HDAC9: variants seen among roughly 807,000 people sequenced by gnomAD.
HDAC9 encodes the protein MEF-2 interacting transcription repressor (MITR) protein.
A neutral mutation model predicts 139.4 loss-of-function variants in HDAC9; 41 were observed. That is an observed-to-expected ratio of 0.29 (90% CI 0.23 to 0.38). The LOEUF (loss-of-function observed/expected upper bound fraction) is 0.38, where lower values mean the gene tolerates loss of function less well. Ranked by LOEUF, HDAC9 falls within the 10% of genes least tolerant of loss-of-function variation. HDAC9 has a pLI of 1.00. For missense variants in HDAC9, 1,147 were observed against 1,297.0 expected (o/e 0.88, Z 1.78); for synonymous variants, 517 against 476.2 (o/e 1.09, Z -1.12).
At chr7:18,587,340 A>C (rs1004994160) in intron 3 of HDAC9, among the ~76,000 whole-genome samples, 2 of 152,190 alleles carry the variant, frequency 1.3e-5, no homozygotes, top group Admixed American at 6.5e-5. Flanking sequence ...TAAAAGGAAA[A>C]TTTAGCTTTT....
At chr7:18,691,552 G>A (rs1164622612) in intron 12 of HDAC9, among the ~76,000 whole-genome samples, 1 of 151,926 alleles carries the variant, frequency 6.6e-6, no homozygotes, top group Non-Finnish European at 1.5e-5. Flanking sequence ...TTGGCTTGTA[G>A]GTAAAGGGGA....
chr7:18,786,450 G>T (rs1365896345), intron 16 of HDAC9, among the ~76,000 whole-genome samples: 1 of 96,274 alleles, frequency 1.0e-5, no homozygotes, highest in African/African-American at 3.8e-5. Flanking sequence ...TTTTCCCATC[G>T]CCCTTTCCTT....
At chr7:18,482,453 A>T (rs1236720493) in intron 1 of HDAC9, among the ~76,000 whole-genome samples, 2 of 140,526 alleles carry the variant, frequency 1.4e-5, no homozygotes, top group Non-Finnish European at 3.1e-5. Context: ...GATTTTTTTT[A>T]AAAACTATTT....
chr7:18,097,263 A>G (rs1052433274), intron 1 of HDAC9, among the ~76,000 whole-genome samples: 1 of 152,112 alleles, frequency 6.6e-6, no homozygotes, highest in Non-Finnish European at 1.5e-5. Flanking sequence ...ATTTTGTTGT[A>G]TTGGATGGAT....
chr7:18,751,208 C>T (rs767411234), intron 14 of HDAC9, among the ~76,000 whole-genome samples: 7 of 152,034 alleles, frequency 4.6e-5, no homozygotes, highest in African/African-American at 1.7e-4. Context: ...CACTAACCGA[C>T]GTAATATCAA....
chr7:18,839,676 C>G (rs1251911390), intron 21 of HDAC9, among the ~76,000 whole-genome samples: 1 of 152,074 alleles, frequency 6.6e-6, no homozygotes, highest in African/African-American at 2.4e-5. Context: ...ACAAAGAACT[C>G]TGAACATCTA....
chr7:18,296,060 G>T (rs587325), intron 1 of HDAC9, among the ~76,000 whole-genome samples: 1 of 152,042 alleles, frequency 6.6e-6, no homozygotes, highest in African/African-American at 2.4e-5. Context: ...GTAGGTTTGT[G>T]TAGTAAGTGA....
chr7:18,419,942 A>C, intron 1 of HDAC9, among the ~76,000 whole-genome samples: 1 of 152,188 alleles, frequency 6.6e-6, no homozygotes, highest in African/African-American at 2.4e-5. Flanking sequence ...ATGGTAGCCC[A>C]TGAATCTCGG....
intron 1 of HDAC9, among the ~76,000 whole-genome samples, chr7:18,140,284 G>A (rs1785802666): frequency 6.6e-6 from 1 of 152,084 alleles, no homozygotes; most frequent in Admixed American, 6.5e-5. Context: ...ACAGGGATAT[G>A]GCCTCCATCC....
rs541667850 is a variant in HDAC9 at position 18,906,755 on chromosome 7, A to G, written c.2804-29054A>G. The stretch of plus-strand genomic sequence containing the variant: ...CTGAGCAGTCTTGTTTAAAATGCAG[A>G]TTCCTTGTCTTAACAGCTAGAGATT... On this transcript the variant is annotated intron_variant, in intron 22 of 25. Coordinates refer to ENST00000686413, the MANE Select transcript of HDAC9 (RefSeq NM_178425.4). 5.9e-5 allele frequency among the ~76,000 whole-genome samples: 9 copies of G among 152,324 alleles called. No individual in the cohort carries two copies. In the South Asian group the frequency reaches 1.5e-3, roughly 25 times the overall value.
At position 18,768,008 on chromosome 7, in the gene HDAC9, G is replaced by T. The variant is rs116774167; in HGVS notation, c.2214+853G>T. Among the ~76,000 whole-genome samples the T allele has an allele frequency of 8.9e-3, 1,350 of 152,266 alleles. 16 individuals carry two copies. Among genetic ancestry groups the T allele is most frequent in the African/African-American group, 0.03 (1,243 of 41,568 alleles). ...TGCAAAGAAATCTTGAATATTTTTA[G>T]TTTATTCTATCATTTTGATGATGCC... On this transcript the variant is annotated intron_variant, in intron 16 of 25. Coordinates refer to ENST00000686413, the MANE Select transcript of HDAC9 (RefSeq NM_178425.4).
At chr7:18,428,732 C>A (rs1366490014) in intron 1 of HDAC9, among the ~76,000 whole-genome samples, 1 of 152,146 alleles carries the variant, frequency 6.6e-6, no homozygotes, top group Non-Finnish European at 1.5e-5. Flanking sequence ...TGCTCAGAAC[C>A]CTCCAGTAGC....
intron 1 of HDAC9, among the ~76,000 whole-genome samples, chr7:18,352,832 T>G (rs1018330409): frequency 6.6e-6 from 1 of 152,150 alleles, no homozygotes; most frequent in Non-Finnish European, 1.5e-5. Context: ...GATCCTTGTT[T>G]TTGTCTCTGT....
intron 6 of HDAC9, among the ~76,000 whole-genome samples, chr7:18,628,965 G>A (rs1781502120): frequency 6.6e-6 from 1 of 152,044 alleles, no homozygotes. Context: ...TGGTTATTAA[G>A]TTTCACCCTT....
intron 1 of HDAC9, among the ~76,000 whole-genome samples, chr7:18,134,468 T>C (rs1785251073): frequency 6.6e-6 from 1 of 152,132 alleles, no homozygotes; most frequent in Non-Finnish European, 1.5e-5. Flanking sequence ...ATTCATGGAT[T>C]GAATATACAT....
chr7:18,566,827 G>A (rs1822518056), intron 2 of HDAC9, among the ~76,000 whole-genome samples: 1 of 152,276 alleles, frequency 6.6e-6, no homozygotes, highest in Middle Eastern at 3.4e-3. Flanking sequence ...GATGACAAAG[G>A]TTTGTTACCA....
chr7:18,306,528 GA>G (rs1201966377), intron 1 of HDAC9, among the ~76,000 whole-genome samples: 1 of 152,134 alleles, frequency 6.6e-6, no homozygotes, highest in Non-Finnish European at 1.5e-5. Context: ...GTTTAATTAA[GA>G]CTGAGTAATA....
intron 2 of HDAC9, among the ~76,000 whole-genome samples, chr7:18,541,875 CA>C (rs1467801123): frequency 2.0e-5 from 3 of 151,790 alleles, no homozygotes; most frequent in Non-Finnish European, 4.4e-5. Flanking sequence ...TTATTTATAC[CA>C]AATCTTTCTC....
At position 18,282,301 on chromosome 7, in the gene HDAC9, G is replaced by A. The variant is rs147738592; in HGVS notation, c.25+119952G>A. Among the ~76,000 whole-genome samples, 446 of 152,138 alleles carry A rather than the reference G, an allele frequency of 2.9e-3. 5 individuals are homozygous for A. The highest frequency in any genetic ancestry group is 9.9e-3 in the African/African-American group (411 of 41,504). On this transcript the variant is annotated intron_variant, in intron 2 of 12. Coordinates refer to the HDAC9 transcript ENST00000417496. ...CTATGGAATAGGTATTATAAATCCC[G>A]TTTTGTAAATGAGAAATAAAGTCCA...
Sources: allele counts gnomAD v4.1 joint callset (sites outside exome capture counted in the v4.1 genomes callset), GRCh38; gene constraint gnomAD v4.1.1; transcripts MANE v1.5; gene names NCBI Gene and HGNC (gene_info 2026-07-23, HGNC 2026-07-21).